The following UBE2G1 variants were observed in gnomAD, a reference collection of about 807,000 sequenced individuals.
UBE2G1 encodes ubiquitin conjugating enzyme E2 G1.
UBE2G1 carries 5 observed loss-of-function variants against 22.7 expected under a neutral mutation model. The ratio of observed to expected loss-of-function variants is 0.22; its 90% CI spans 0.12 to 0.46. The LOEUF is 0.46. Among genes scored for constraint, UBE2G1 ranks in the 20% least tolerant of loss-of-function variants. The pLI, the probability that UBE2G1 is intolerant of heterozygous loss-of-function variation, is 0.99. For missense variants in UBE2G1, 88 were observed against 203.9 expected (o/e 0.43, Z 3.46); for synonymous variants, 74 against 67.5 (o/e 1.10, Z -0.47).
intron 1 of UBE2G1, among the ~76,000 whole-genome samples, chr17:4,337,390 C>G (rs1020414787): frequency 6.6e-6 from 1 of 151,134 alleles, no homozygotes. Context: ...CAGTGGCTCA[C>G]GCCTGTAATC....
At chr17:4,302,996 CA>C (rs1969202964) in intron 2 of UBE2G1, among the ~76,000 whole-genome samples, 1 of 151,924 alleles carries the variant, frequency 6.6e-6, no homozygotes, top group Non-Finnish European at 1.5e-5. Flanking sequence ...CAGAAAAACA[CA>C]GGAGCTTCTT....
At chr17:4,345,094 A>G (rs370348590) in intron 1 of UBE2G1, among the ~76,000 whole-genome samples, 1 of 152,236 alleles carries the variant, frequency 6.6e-6, no homozygotes, top group East Asian at 1.9e-4. Context: ...TAAAGCAAGA[A>G]GCCCAGAAGG....
intron 1 of UBE2G1, among the ~76,000 whole-genome samples, chr17:4,321,551 A>T (rs548658102): frequency 1.3e-5 from 2 of 152,102 alleles, no homozygotes; most frequent in East Asian, 3.9e-4. Context: ...GGAGCGCAGT[A>T]GTGTGTTCAT....
intron 1 of UBE2G1, among the ~76,000 whole-genome samples, chr17:4,319,668 G>A (rs895511280): frequency 1.1e-4 from 16 of 151,852 alleles, no homozygotes; most frequent in South Asian, 4.2e-4. Flanking sequence ...CCAGGAGGTC[G>A]AGGCTGCAGT....
Position 4,296,801 on chromosome 17 carries a change from A to G in UBE2G1, c.163T>C (p.Phe55Leu). ...TTTGGGAAAGTAAGATGAGCCTTAA[A>G]AACACCACCTTCACTGGAAAAAAGA... Reference protein sequence around the residue: ...PPDTLYEGGVFKAHLTFPKDY... With the variant: ...PPDTLYEGGVLKAHLTFPKDY... The change falls in exon 3 of 6, where the codon TTT (phenylalanine) becomes CTT (leucine). Residue 55 changes from phenylalanine (F) to leucine (L), a missense_variant. Phe to Leu is a conservative substitution (Grantham distance 22). Transcript: ENST00000396981. The G allele has an allele frequency of 1.2e-6, 2 of 1,613,862 alleles. No homozygotes were observed. Among genetic ancestry groups the G allele is most frequent in the Non-Finnish European group, 1.7e-6 (2 of 1,179,882 alleles).
At chr17:4,278,189 C>T (rs1203760625) in intron 5 of UBE2G1, among the ~76,000 whole-genome samples, 1 of 152,218 alleles carries the variant, frequency 6.6e-6, no homozygotes, top group Non-Finnish European at 1.5e-5. Flanking sequence ...CATGCGCCAC[C>T]GCGCCCGGCC....
At chr17:4,353,674 G>A (rs949638329) in intron 1 of UBE2G1, among the ~76,000 whole-genome samples, 5 of 151,646 alleles carry the variant, frequency 3.3e-5, no homozygotes, top group African/African-American at 4.8e-5. Flanking sequence ...CACCACACCC[G>A]GCTAATTTTT....
intron 1 of UBE2G1, among the ~76,000 whole-genome samples, chr17:4,337,680 A>G (rs1969665462): frequency 6.6e-6 from 1 of 151,942 alleles, no homozygotes; most frequent in African/African-American, 2.4e-5. Context: ...AAGAAAAAAT[A>G]AAAAGAAGAG....
Position 4,337,663 on chromosome 17 carries a change from A to G in UBE2G1, c.46+28608T>C, listed in dbSNP as rs564928378. 7.9e-5 allele frequency among the ~76,000 whole-genome samples: 12 copies of G among 151,990 alleles called. No individual in the cohort carries two copies. The South Asian group carries it at 8.3e-4, about 10-fold the overall frequency. ...AGCGAAACTCGGTCTCAAAAAAAAA[A>G]AAAGAAAAGAAAAAATAAAAAGAAG... On this transcript the variant is annotated intron_variant, in intron 1 of 5. Coordinates refer to ENST00000396981, the MANE Select transcript of UBE2G1 (RefSeq NM_003342.5).
rs1968764255 is a variant in UBE2G1, at chr17:4,271,889, AC to A, written c.*664del. On this transcript the variant is annotated 3_prime_UTR_variant, in exon 6 of 6. Coordinates refer to ENST00000396981, the MANE Select transcript of UBE2G1 (RefSeq NM_003342.5). ...AAAAAGGACAAAGCACCTAGTGATG[AC>A]TCCTTCGAAGTCATCATTAAAAATC... The A allele has an allele frequency of 6.6e-6, 1 of 152,468 alleles. No homozygotes were observed. Among genetic ancestry groups the A allele is most frequent in the African/African-American group, 2.4e-5 (1 of 41,408 alleles). 9.4% of individuals were successfully genotyped at this position (152,468 alleles called of 1,614,324 possible). A position where few individuals can be genotyped will look rare whatever the true frequency, so the allele number is the denominator to read the frequency against.
At chr17:4,309,731 T>C in intron 1 of UBE2G1, among the ~76,000 whole-genome samples, 1 of 152,240 alleles carries the variant, frequency 6.6e-6, no homozygotes, top group East Asian at 1.9e-4. Flanking sequence ...CACAAGAGTC[T>C]TGTGAAAGAT....
chr17:4,363,670 A>G (rs559334777), intron 1 of UBE2G1, among the ~76,000 whole-genome samples: 1 of 152,050 alleles, frequency 6.6e-6, no homozygotes, highest in Non-Finnish European at 1.5e-5. Context: ...GAATTCAGAG[A>G]GGCCGGGCCC....
intron 1 of UBE2G1, among the ~76,000 whole-genome samples, chr17:4,361,170 C>T (rs1969962088): frequency 6.6e-6 from 1 of 151,998 alleles, no homozygotes; most frequent in Non-Finnish European, 1.5e-5. Context: ...TTGCAGTGAA[C>T]CAAGATCGCA....
chr17:4,285,936 C>T (rs1368111494), intron 4 of UBE2G1, among the ~76,000 whole-genome samples: 2 of 142,072 alleles, frequency 1.4e-5, no homozygotes, highest in East Asian at 4.3e-4. Context: ...GGCGACAGAG[C>T]GAGACTACAT....
At chr17:4,337,545 C>T (rs558586038) in intron 1 of UBE2G1, among the ~76,000 whole-genome samples, 92 of 149,850 alleles carry the variant, frequency 6.1e-4, no homozygotes, top group Non-Finnish European at 1.1e-3. Context: ...CCCAGCTACT[C>T]GGAAGGCTGA....
At chr17:4,281,650 C>T (rs1968893794) in intron 5 of UBE2G1, among the ~76,000 whole-genome samples, 1 of 152,214 alleles carries the variant, frequency 6.6e-6, no homozygotes, top group African/African-American at 2.4e-5. Context: ...TATTCACCAA[C>T]TTGCAGAACT....
chr17:4,359,392 G>A (rs1259735194), intron 1 of UBE2G1, among the ~76,000 whole-genome samples: 1 of 152,042 alleles, frequency 6.6e-6, no homozygotes, highest in Non-Finnish European at 1.5e-5. Context: ...ACTGGACATG[G>A]GTATAAAGGT....
At chr17:4,358,971 A>C in intron 1 of UBE2G1, among the ~76,000 whole-genome samples, 1 of 152,146 alleles carries the variant, frequency 6.6e-6, no homozygotes. Context: ...AAAATTAAAA[A>C]AAAAAAAGGA....
chr17:4,295,476 G>A (rs374239975), intron 3 of UBE2G1, among the ~76,000 whole-genome samples: 4 of 152,136 alleles, frequency 2.6e-5, no homozygotes, highest in Non-Finnish European at 5.9e-5. Flanking sequence ...ATATCCTTCC[G>A]ATAAATCCTT....
Sources: allele counts gnomAD v4.1 joint callset (sites outside exome capture counted in the v4.1 genomes callset), GRCh38; gene constraint gnomAD v4.1.1; transcripts MANE v1.5; gene names NCBI Gene and HGNC (gene_info 2026-07-23, HGNC 2026-07-21).